CCDC171: variants seen among roughly 807,000 people sequenced by gnomAD.
CCDC171 encodes coiled-coil domain-containing protein 171.
CCDC171 carries 177 observed loss-of-function variants against 168.2 expected under a neutral mutation model. The observed-to-expected ratio is 1.05, with a 90% CI of 0.93 to 1.19. CCDC171 has a LOEUF of 1.19. Among genes scored for constraint, CCDC171 ranks in the 50% most tolerant of loss-of-function variants. CCDC171 has a pLI of 0.00. For synonymous variants in CCDC171, 687 were observed against 540.8 expected (o/e 1.27, Z -3.75); for missense variants, 1,991 against 1,539.0 (o/e 1.29, Z -4.91).
Position 15,779,034 on chromosome 9 carries a change from G to A in CCDC171, c.2965G>A (p.Glu989Lys). Reference sequence around the variant, plus strand: ...ACAAAGACTGCATGCTGCAGAAGTGGAGCGCCGCTCACTACGCTTAGAGGT... The same window carrying A: ...ACAAAGACTGCATGCTGCAGAAGTGAAGCGCCGCTCACTACGCTTAGAGGT... The part of the protein sequence containing the change: ...FTQRLHAAEV[E>K]RRSLRLEVTE... Residue 989 changes from glutamate (E) to lysine (K), a missense_variant, in exon 20 of 26, where the codon GAG becomes AAG. Physicochemically the swap from Glu to Lys is moderately conservative, Grantham distance 56. Coordinates refer to ENST00000380701, the MANE Select transcript of CCDC171 (RefSeq NM_173550.4). 1 of 1,600,118 alleles carries A rather than the reference G, an allele frequency of 6.2e-7. No homozygotes were observed. Among genetic ancestry groups the A allele is most frequent in the Non-Finnish European group, 8.5e-7 (1 of 1,173,946 alleles).
chr9:15,733,347 A>G (rs117400240), intron 16 of CCDC171, among the ~76,000 whole-genome samples: 2,771 of 152,238 alleles, frequency 0.018, 38 homozygotes, highest in Non-Finnish European at 0.026. Flanking sequence ...TATTACATGT[A>G]AGAACTCTTT....
At chr9:15,933,683 G>A (rs1826784997) in intron 25 of CCDC171, among the ~76,000 whole-genome samples, 1 of 151,928 alleles carries the variant, frequency 6.6e-6, no homozygotes, top group East Asian at 1.9e-4. Flanking sequence ...GGTACGATAT[G>A]TTTCCATTCT....
chr9:15,980,601 A>G (rs1270807193), intron 3 of CCDC171, among the ~76,000 whole-genome samples: 2 of 152,090 alleles, frequency 1.3e-5, no homozygotes, highest in Non-Finnish European at 2.9e-5. Context: ...GCCCCAAACC[A>G]TCTGTACAGA....
chr9:16,066,699 A>C, the CCDC171 span, among the ~76,000 whole-genome samples: 1 of 147,588 alleles, frequency 6.8e-6, no homozygotes, highest in Non-Finnish European at 1.5e-5. Context: ...CCTATGAGTG[A>C]GAATATGCGG....
Position 15,683,110 on chromosome 9 carries a change from A to G in CCDC171, c.1215+4214A>G, listed in dbSNP as rs527801814. Among the ~76,000 whole-genome samples the G allele has an allele frequency of 8.5e-5, 13 of 152,140 alleles. No individual in the cohort carries two copies. The South Asian group carries it at 2.1e-3, about 24-fold the overall frequency. The stretch of plus-strand genomic sequence containing the variant: ...AGATTTGTTTTCCTGCCACTCAGTA[A>G]TATTTAGTTACAGCTCTAGGAGAGA... On this transcript the variant is annotated intron_variant, in intron 10 of 25. Coordinates refer to ENST00000380701, the MANE Select transcript of CCDC171 (RefSeq NM_173550.4).
chr9:15,562,063 T>C lies in CCDC171; in HGVS notation c.-111-1915T>C, dbSNP rs146682884. Among the ~76,000 whole-genome samples the C allele has an allele frequency of 6.3e-3, 956 of 152,160 alleles. 8 individuals carry two copies. Among genetic ancestry groups the C allele is most frequent in the African/African-American group, 0.022 (931 of 41,532 alleles). ...AGGCTGGAGTGCAGTGGCGCAATCT[T>C]GGCTCACTGCAGTCTCCACCTCCTG... On this transcript the variant is annotated intron_variant, in intron 1 of 25. Coordinates refer to ENST00000380701, the MANE Select transcript of CCDC171 (RefSeq NM_173550.4).
At chr9:15,905,004 G>T (rs1257039686) in intron 24 of CCDC171, among the ~76,000 whole-genome samples, 1 of 152,112 alleles carries the variant, frequency 6.6e-6, no homozygotes, top group East Asian at 1.9e-4. Flanking sequence ...CAATACAGGA[G>T]CACTCAGATT....
At chr9:15,984,641 C>A (rs867205954) in intron 3 of CCDC171, among the ~76,000 whole-genome samples, 1 of 152,016 alleles carries the variant, frequency 6.6e-6, no homozygotes, top group African/African-American at 2.4e-5. Context: ...ATCTTATATT[C>A]ATTTAATGGA....
chr9:15,624,516 A>C (rs186629395), intron 7 of CCDC171, among the ~76,000 whole-genome samples: 2 of 151,890 alleles, frequency 1.3e-5, no homozygotes, highest in African/African-American at 4.8e-5. Flanking sequence ...CCTGTGTCCA[A>C]GTGTTCTCAT....
At chr9:16,099,683 T>G in the CCDC171 span, among the ~76,000 whole-genome samples, 1 of 152,190 alleles carries the variant, frequency 6.6e-6, no homozygotes, top group Non-Finnish European at 1.5e-5. Context: ...ATTCGTGGGC[T>G]TCTGGTGGGT....
chr9:15,622,481 A>G (rs1165096429), intron 6 of CCDC171, among the ~76,000 whole-genome samples: 1 of 152,194 alleles, frequency 6.6e-6, no homozygotes, highest in African/African-American at 2.4e-5. Flanking sequence ...TTGGAAGCAT[A>G]TATAAATATT....
chr9:16,105,956 C>T, the CCDC171 span, among the ~76,000 whole-genome samples: 9 of 152,220 alleles, frequency 5.9e-5, no homozygotes, highest in African/African-American at 2.2e-4. Flanking sequence ...GCAGGCAGGG[C>T]ATCCATTTGC....
chr9:15,702,211 G>A (rs1490596199), intron 11 of CCDC171, among the ~76,000 whole-genome samples: 2 of 152,096 alleles, frequency 1.3e-5, no homozygotes, highest in African/African-American at 2.4e-5. Context: ...AAAGAGATGA[G>A]CTGTCATCCG....
At chr9:15,631,758 G>A in intron 7 of CCDC171, among the ~76,000 whole-genome samples, 1 of 152,186 alleles carries the variant, frequency 6.6e-6, no homozygotes, top group African/African-American at 2.4e-5. Flanking sequence ...GAAGATTGAT[G>A]CAAAAATCCT....
intron 20 of CCDC171, among the ~76,000 whole-genome samples, chr9:15,779,591 C>A (rs889433405): frequency 6.6e-5 from 10 of 152,072 alleles, no homozygotes; most frequent in African/African-American, 7.2e-5. Context: ...AACTCCTGAC[C>A]TCAGCTGATC....
intron 6 of CCDC171, among the ~76,000 whole-genome samples, chr9:15,594,894 A>G (rs1319095726): frequency 6.6e-6 from 1 of 152,204 alleles, no homozygotes; most frequent in Non-Finnish European, 1.5e-5. Context: ...AAAACCCATG[A>G]ATCAACTAAC....
At chr9:16,095,899 T>TATATATAC in the CCDC171 span, among the ~76,000 whole-genome samples, 4 of 140,202 alleles carry the variant, frequency 2.9e-5, no homozygotes, top group Non-Finnish European at 4.6e-5. Context: ...TATATATATA[T>TATATATAC]ACTGCCTCCA....
In CCDC171 at chr9:15,835,616, A is replaced by G. The variant is rs369860259; in HGVS notation, c.3268-11086A>G. On this transcript the variant is annotated intron_variant, in intron 21 of 25. Coordinates refer to ENST00000380701, the MANE Select transcript of CCDC171 (RefSeq NM_173550.4). ...CTAATTTTGTATTTTTAGTAGAGACAGGGTTTCACCATGTTGGTCAGGCTG... is the reference window on the plus strand; with the variant it reads ...CTAATTTTGTATTTTTAGTAGAGACGGGGTTTCACCATGTTGGTCAGGCTG... Among the ~76,000 whole-genome samples the G allele has an allele frequency of 1.6e-4, 25 of 152,172 alleles. No homozygotes were observed. In the East Asian group the frequency reaches 4.4e-3, roughly 27 times the overall value.
rs147854915 is a variant in CCDC171, at chr9:15,561,713, G to A, written c.-111-2265G>A. On this transcript the variant is annotated intron_variant, in intron 1 of 25. Transcript: ENST00000380701. ...CCATCATAGTTCATATTCAGCCACTGACCGTATCAACTTTGGTCCTTCATT... is the reference window on the plus strand; with the variant it reads ...CCATCATAGTTCATATTCAGCCACTAACCGTATCAACTTTGGTCCTTCATT... 3.2e-3 allele frequency among the ~76,000 whole-genome samples: 488 copies of A among 152,186 alleles called. 4 individuals carry two copies. The highest frequency in any genetic ancestry group is 5.7e-3 in the Non-Finnish European group (388 of 68,006).
Sources: gnomAD v4.1 joint callset for allele counts (sites outside exome capture counted in the v4.1 genomes callset) on GRCh38, gnomAD v4.1.1 for gene constraint, MANE v1.5 for transcripts, NCBI Gene and HGNC (gene_info 2026-07-23, HGNC 2026-07-21) for gene names.